The following ARHGEF38 variants were observed in gnomAD, a reference collection of about 807,000 sequenced individuals.
ARHGEF38 encodes the protein Rho guanine nucleotide exchange factor (GEF) 38.
In ARHGEF38, 79 loss-of-function variants were observed where a neutral mutation model predicts 79.9. That is an observed-to-expected ratio of 0.99 (90% CI 0.82 to 1.19). The LOEUF (loss-of-function observed/expected upper bound fraction) is 1.19, where lower values mean the gene tolerates loss of function less well. Ranked by LOEUF, ARHGEF38 falls within the 50% of genes most tolerant of loss-of-function variation. The probability of loss-of-function intolerance (pLI) is 0.00; values close to 1 mark genes in which losing one functional copy is unlikely to be tolerated. For synonymous variants in ARHGEF38, 366 were observed against 328.3 expected, an observed-to-expected ratio of 1.11 and a Z score of -1.24; for missense variants, 962 against 907.2, an observed-to-expected ratio of 1.06 and a Z score of -0.78.
At chr4:105,587,548 C>A (rs1727115528) in intron 1 of ARHGEF38, among the ~76,000 whole-genome samples, 1 of 152,202 alleles carries the variant, frequency 6.6e-6, no homozygotes, top group African/African-American at 2.4e-5. Flanking sequence ...GCAAGCTCCA[C>A]CTCCCGGGTT....
At chr4:105,560,676 G>T (rs1029381513) in intron 1 of ARHGEF38, among the ~76,000 whole-genome samples, 1 of 152,158 alleles carries the variant, frequency 6.6e-6, no homozygotes, top group African/African-American at 2.4e-5. Flanking sequence ...AATAGTCTAA[G>T]ATACCTGCAC....
At chr4:105,561,933 C>T (rs545749774) in intron 1 of ARHGEF38, among the ~76,000 whole-genome samples, 8 of 152,160 alleles carry the variant, frequency 5.3e-5, no homozygotes, top group Non-Finnish European at 1.2e-4. Flanking sequence ...GGAAAAGTGA[C>T]TAGGAAATAC....
In ARHGEF38 at chr4:105,677,927, CTT is replaced by C. The variant is rs1560766992; in HGVS notation, c.2325_2326del (p.Tyr776CysfsTer5). On this transcript the variant is annotated frameshift_variant, in exon 14 of 14. Transcript: ENST00000420470. LOFTEE classifies it high-confidence loss of function. ...CCAGCTAACTACCTTGGAAAGATGA[CTT>C]ATGCTTAAGAAAATAAGCCTTCAAC... 3.3e-6 allele frequency: 5 copies of C among 1,509,238 alleles called. No individual in the cohort carries two copies. The highest frequency in any genetic ancestry group is 1.4e-5 in the African/African-American group (1 of 72,362). The allele number at this position is 1,509,238 out of a possible 1,614,324, so 93.5% of individuals were successfully genotyped here.
chr4:105,637,072 T>C (rs1002327509), intron 5 of ARHGEF38, among the ~76,000 whole-genome samples: 3 of 152,122 alleles, frequency 2.0e-5, no homozygotes, highest in Admixed American at 6.6e-5. Flanking sequence ...CTCCAATTTA[T>C]TTACCAGGCA....
rs1560684446 is a variant in ARHGEF38, at chr4:105,561,444, A to AATGGAATGGAATGGAATG, written c.196+8483_196+8484insATGGAATGGAATGGAATG. 78 of 42,888 alleles carry AATGGAATGGAATGGAATG rather than the reference A, an allele frequency of 1.8e-3. 3 individuals are homozygous for AATGGAATGGAATGGAATG. Among genetic ancestry groups the AATGGAATGGAATGGAATG allele is most frequent in the Non-Finnish European group, 2.4e-3 (54 of 22,456 alleles). The allele number at this position is 42,888 out of a possible 1,614,324, so 2.7% of individuals were successfully genotyped here. A position where few individuals can be genotyped will look rare whatever the true frequency, so the allele number is the denominator to read the frequency against. The stretch of plus-strand genomic sequence containing the variant: ...AGAATGGAATAGAATAGAATAGAAT[A>AATGGAATGGAATGGAATG]GAATGGAATAGAATAGAATAGAATA... On this transcript the variant is annotated intron_variant, in intron 1 of 13. Coordinates refer to ENST00000420470, the MANE Select transcript of ARHGEF38 (RefSeq NM_001242729.2).
At chr4:105,642,106 C>T (rs906418961) in intron 5 of ARHGEF38, among the ~76,000 whole-genome samples, 8 of 152,128 alleles carry the variant, frequency 5.3e-5, no homozygotes, top group Non-Finnish European at 1.5e-5. Context: ...TAGGACTCAT[C>T]TGCCTCGCAT....
chr4:105,651,794 A>G (rs1428171103), intron 7 of ARHGEF38, among the ~76,000 whole-genome samples: 1 of 152,164 alleles, frequency 6.6e-6, no homozygotes, highest in African/African-American at 2.4e-5. Context: ...AGCGCAGACT[A>G]CAAGCGTGTG....
At chr4:105,559,558 C>T (rs1342104913) in intron 1 of ARHGEF38, among the ~76,000 whole-genome samples, 1 of 152,080 alleles carries the variant, frequency 6.6e-6, no homozygotes, top group Non-Finnish European at 1.5e-5. Flanking sequence ...GCATAAAACT[C>T]TGAGGGATAT....
chr4:105,637,133 G>A (rs1362405122), intron 5 of ARHGEF38, among the ~76,000 whole-genome samples: 1 of 152,136 alleles, frequency 6.6e-6, no homozygotes, highest in Non-Finnish European at 1.5e-5. Context: ...CTTCTAGTGT[G>A]TGTTTGCTTG....
chr4:105,613,594 C>T, intron 3 of ARHGEF38, 87 bp downstream of exon 3: 1 of 1,437,388 alleles, frequency 7.0e-7, no homozygotes, highest in Non-Finnish European at 9.6e-7. Context: ...TTGTTCCTGA[C>T]TCACCATGCT....
chr4:105,674,802 CA>C (rs1322370066), intron 13 of ARHGEF38, among the ~76,000 whole-genome samples: 1 of 151,692 alleles, frequency 6.6e-6, no homozygotes, highest in Admixed American at 6.6e-5. Context: ...AATTTCATAC[CA>C]AACAGATCTA....
At chr4:105,640,312 T>C (rs1278605777) in intron 5 of ARHGEF38, among the ~76,000 whole-genome samples, 1 of 152,190 alleles carries the variant, frequency 6.6e-6, no homozygotes, top group African/African-American at 2.4e-5. Context: ...TTAACAATTG[T>C]TGATTATCGT....
At position 105,659,255 on chromosome 4, in the gene ARHGEF38, G is replaced by A. The variant is rs773089821; in HGVS notation, c.1435G>A (p.Ala479Thr). 3 of 1,536,106 alleles carry A rather than the reference G, an allele frequency of 2.0e-6. No homozygotes were observed. The South Asian group carries it at 3.6e-5, about 18-fold the overall frequency. Reference sequence around the variant, plus strand: ...CGCCCAGCTTGTGGAGGAGCTCCAGGCATTCAACCAGGCTGCTCGGAAGAT... The same window carrying A: ...CGCCCAGCTTGTGGAGGAGCTCCAGACATTCAACCAGGCTGCTCGGAAGAT... ...LNAQLVEELQ[A>T]FNQAARKILL... The change falls in exon 10 of 14, where the codon GCA becomes ACA. Residue 479 changes from alanine to threonine, a missense_variant. Ala to Thr is a moderately conservative substitution (Grantham distance 58, BLOSUM62 0). Transcript: ENST00000420470.
At chr4:105,649,347 C>T (rs1729993269) in intron 7 of ARHGEF38, among the ~76,000 whole-genome samples, 1 of 152,168 alleles carries the variant, frequency 6.6e-6, no homozygotes, top group East Asian at 1.9e-4. Context: ...ACCTAAAAAG[C>T]TTGCTGAAAG....
chr4:105,573,699 A>G (rs1283536644), intron 1 of ARHGEF38, among the ~76,000 whole-genome samples: 1 of 149,994 alleles, frequency 6.7e-6, no homozygotes, highest in African/African-American at 2.4e-5. Context: ...ATTTTGGCCT[A>G]TTGTTGTCCC....
chr4:105,623,415 G>A lies in ARHGEF38; in HGVS notation c.509-7483G>A, dbSNP rs184790978. Among the ~76,000 whole-genome samples the A allele has an allele frequency of 5.9e-3, 896 of 152,308 alleles. 9 individuals carry two copies. The highest frequency in any genetic ancestry group is 0.021 in the African/African-American group (867 of 41,570). On this transcript the variant is annotated intron_variant, in intron 3 of 13. Coordinates refer to ENST00000420470, the MANE Select transcript of ARHGEF38 (RefSeq NM_001242729.2). ...ACAGCAGAGGCAAGCTTTCTCAAGAGAGGTATTTACTAACGTGAGTTAAAT... is the reference window on the plus strand; with the variant it reads ...ACAGCAGAGGCAAGCTTTCTCAAGAAAGGTATTTACTAACGTGAGTTAAAT...
At chr4:105,633,841 A>T (rs1432348111) in intron 4 of ARHGEF38, among the ~76,000 whole-genome samples, 1 of 152,228 alleles carries the variant, frequency 6.6e-6, no homozygotes, top group African/African-American at 2.4e-5. Flanking sequence ...TAACAATACA[A>T]GAATTAATTT....
At position 105,645,208 on chromosome 4, in the gene ARHGEF38, A is replaced by T. The variant is rs573950513; in HGVS notation, c.695A>T (p.Asp232Val). ...YMQEGKPNLL[D>V]MGSLMIKPIQ... ...TGTAGAGGCAAACCAAACTTATTGGACATGGGCTCTTTGATGATCAAACCA... is the reference window on the plus strand; with the variant it reads ...TGTAGAGGCAAACCAAACTTATTGGTCATGGGCTCTTTGATGATCAAACCA... Residue 232 changes from aspartate (D) to valine (V), a missense_variant, in exon 6 of 14, where the codon GAC becomes GTC. By Grantham distance (152) the Asp-to-Val change is radical. Transcript: ENST00000420470. 2.0e-6 allele frequency: 3 copies of T among 1,526,720 alleles called. No individual in the cohort carries two copies. Among genetic ancestry groups the T allele is most frequent in the Non-Finnish European group, 2.6e-6 (3 of 1,142,454 alleles). The allele number at this position is 1,526,720 out of a possible 1,614,324, so 94.6% of individuals were successfully genotyped here. A position where few individuals can be genotyped will look rare whatever the true frequency, so the allele number is the denominator to read the frequency against.
chr4:105,579,363 G>A (rs950951614), intron 1 of ARHGEF38, among the ~76,000 whole-genome samples: 3 of 152,046 alleles, frequency 2.0e-5, no homozygotes, highest in African/African-American at 7.2e-5. Flanking sequence ...TGTTGGCTGT[G>A]GGTTTGTCAT....
Sources: gnomAD v4.1 joint callset for allele counts (sites outside exome capture counted in the v4.1 genomes callset) on GRCh38, gnomAD v4.1.1 for gene constraint, MANE v1.5 for transcripts, NCBI Gene and HGNC (gene_info 2026-07-23, HGNC 2026-07-21) for gene names.